BCL2L14: variants seen among roughly 807,000 people sequenced by gnomAD.
BCL2L14 encodes apoptosis facilitator Bcl-2-like protein 14.
Under a neutral mutation model 35.3 loss-of-function variants are expected in BCL2L14, and 27 were observed. That is an observed-to-expected ratio of 0.76 (90% CI 0.56 to 1.05). The LOEUF (loss-of-function observed/expected upper bound fraction) is 1.05. BCL2L14 is among the 50% of genes least tolerant of loss of function. The probability of loss-of-function intolerance (pLI) is 0.00; values close to 1 mark genes in which losing one functional copy is unlikely to be tolerated. For missense variants in BCL2L14, 377 were observed against 382.6 expected (o/e 0.99, Z 0.12); for synonymous variants, 139 against 145.9 (o/e 0.95, Z 0.34).
chr12:12,095,089 A>G, intron 5 of BCL2L14, 159 bp downstream of exon 5: 3 of 985,042 alleles, frequency 3.0e-6, no homozygotes, highest in Non-Finnish European at 3.6e-6. Context: ...ATGGGAACAT[A>G]TTTTTAGTGA....
At chr12:12,080,085 G>T (rs1308360584) in intron 2 of BCL2L14, among the ~76,000 whole-genome samples, 1 of 151,654 alleles carries the variant, frequency 6.6e-6, no homozygotes, top group Non-Finnish European at 1.5e-5. Context: ...GGTGCCTGTA[G>T]TCCCAGCTAC....
intron 1 of BCL2L14, among the ~76,000 whole-genome samples, chr12:12,072,001 GC>G (rs1948678024): frequency 6.6e-6 from 1 of 151,986 alleles, no homozygotes; most frequent in Admixed American, 6.5e-5. Context: ...GAGTGTCAGT[GC>G]CCACGAGATC....
intron 2 of BCL2L14, among the ~76,000 whole-genome samples, chr12:12,083,119 C>A (rs1461885867): frequency 1.3e-5 from 2 of 152,118 alleles, no homozygotes; most frequent in African/African-American, 4.8e-5. Context: ...CGCCCACCAC[C>A]ACGCCCGGCT....
intron 1 of BCL2L14, among the ~76,000 whole-genome samples, chr12:12,077,341 G>A (rs185898511): frequency 2.6e-5 from 4 of 152,000 alleles, no homozygotes; most frequent in Admixed American, 2.0e-4. Flanking sequence ...CAGGAGTTTC[G>A]CACCAGACTG....
At chr12:12,049,986 C>CT (rs1243324572) in intron 1 of BCL2L14, 1 of 152,036 alleles carries the variant, frequency 6.6e-6, no homozygotes, top group African/African-American at 2.4e-5. Context: ...TATAAATGTG[C>CT]TTTTGAAATA....
At chr12:12,083,400 G>C (rs1948971095) in intron 2 of BCL2L14, among the ~76,000 whole-genome samples, 1 of 152,238 alleles carries the variant, frequency 6.6e-6, no homozygotes, top group Non-Finnish European at 1.5e-5. Context: ...TCAGGATGCA[G>C]AGAAATGGAC....
intron 2 of BCL2L14, among the ~76,000 whole-genome samples, chr12:12,058,772 G>A (rs1355314775): frequency 6.6e-6 from 1 of 152,088 alleles, no homozygotes; most frequent in Non-Finnish European, 1.5e-5. Flanking sequence ...TCTTCACACC[G>A]ACGCGCATGA....
chr12:12,050,537 GT>G (rs1948336709), intron 1 of BCL2L14, among the ~76,000 whole-genome samples: 1 of 151,658 alleles, frequency 6.6e-6, no homozygotes, highest in African/African-American at 2.4e-5. Flanking sequence ...ACACTTATTA[GT>G]GAGGAGTCTG....
At chr12:12,087,711 T>C (rs1211032246) in intron 3 of BCL2L14, among the ~76,000 whole-genome samples, 1 of 152,232 alleles carries the variant, frequency 6.6e-6, no homozygotes, top group Non-Finnish European at 1.5e-5. Flanking sequence ...ATGTTACCAG[T>C]GACCCTGGGC....
chr12:12,090,455 C>T (rs575081910), intron 3 of BCL2L14, among the ~76,000 whole-genome samples: 14 of 144,206 alleles, frequency 9.7e-5, no homozygotes, highest in Non-Finnish European at 1.8e-4. Flanking sequence ...CATGGTGAAA[C>T]CTGGGTTTCT....
At chr12:12,054,395 T>C (rs1294956927) in intron 2 of BCL2L14, among the ~76,000 whole-genome samples, 5 of 151,434 alleles carry the variant, frequency 3.3e-5, no homozygotes, top group African/African-American at 1.2e-4. Context: ...TCCCAGTTAC[T>C]TGGGAGGCTG....
chr12:12,061,864 C>T (rs1437233022), intron 2 of BCL2L14, among the ~76,000 whole-genome samples: 1 of 152,192 alleles, frequency 6.6e-6, no homozygotes, highest in African/African-American at 2.4e-5. Context: ...CTGATCGTGT[C>T]CGATTAATCT....
intron 2 of BCL2L14, among the ~76,000 whole-genome samples, chr12:12,059,958 T>G (rs1339555688): frequency 6.6e-6 from 1 of 152,030 alleles, no homozygotes; most frequent in African/African-American, 2.4e-5. Flanking sequence ...TAGTCTCTGT[T>G]CCCAATGCAA....
intron 2 of BCL2L14, among the ~76,000 whole-genome samples, chr12:12,054,244 T>A (rs1948398332): frequency 6.6e-6 from 1 of 152,218 alleles, no homozygotes. Context: ...AGCTCATGCC[T>A]GTAATCCCAG....
intron 1 of BCL2L14, among the ~76,000 whole-genome samples, chr12:12,077,400 C>G (rs1948805154): frequency 6.6e-6 from 1 of 151,854 alleles, no homozygotes; most frequent in Non-Finnish European, 1.5e-5. Flanking sequence ...AAAAAATTAG[C>G]CAGGTGTGGT....
At chr12:12,073,434 G>C (rs1428282807) in intron 1 of BCL2L14, among the ~76,000 whole-genome samples, 1 of 152,098 alleles carries the variant, frequency 6.6e-6, no homozygotes, top group Non-Finnish European at 1.5e-5. Context: ...TTACTAAATG[G>C]AAGGACTAAG....
At position 12,094,950 on chromosome 12, in the gene BCL2L14, A is replaced by G; in HGVS notation, c.945+20A>G. On this transcript the variant is annotated intron_variant, in intron 5 of 5. Transcript: ENST00000308721. ...GGATGGGTAAGCGTATCCTATTTAA[A>G]AACAAATTTTCTCAGAACTCAGAAG... The G allele has an allele frequency of 1.2e-6, 2 of 1,604,722 alleles. No homozygotes were observed. Among genetic ancestry groups the G allele is most frequent in the South Asian group, 2.2e-5 (2 of 90,638 alleles).
At chr12:12,092,077 T>C (rs1179337581) in intron 4 of BCL2L14, among the ~76,000 whole-genome samples, 1 of 152,178 alleles carries the variant, frequency 6.6e-6, no homozygotes, top group Non-Finnish European at 1.5e-5. Flanking sequence ...AGGGGTCCTT[T>C]AGACAACCTC....
At chr12:12,093,233 T>G (rs1949233345) in intron 4 of BCL2L14, among the ~76,000 whole-genome samples, 1 of 152,162 alleles carries the variant, frequency 6.6e-6, no homozygotes, top group Non-Finnish European at 1.5e-5. Context: ...GAACATTGCA[T>G]GCAAGGGAGT....
Sources: gnomAD v4.1 joint callset for allele counts (sites outside exome capture counted in the v4.1 genomes callset) on GRCh38, gnomAD v4.1.1 for gene constraint, MANE v1.5 for transcripts, NCBI Gene and HGNC (gene_info 2026-07-23, HGNC 2026-07-21) for gene names.